Variants in NSF observed in about 807,000 individuals in gnomAD.
NSF encodes the protein vesicle-fusing ATPase.
A neutral mutation model predicts 50.3 loss-of-function variants in NSF; 14 were observed. The ratio of observed to expected loss-of-function variants is 0.28; its 90% CI spans 0.18 to 0.44. The LOEUF (loss-of-function observed/expected upper bound fraction) is 0.44, where lower values mean the gene tolerates loss of function less well. NSF is among the 20% of genes least tolerant of loss of function. The pLI, the probability that NSF is intolerant of heterozygous loss-of-function variation, is 1.00. For synonymous variants in NSF, 109 were observed against 175.7 expected (o/e 0.62, Z 3.00); for missense variants, 218 against 504.3 (o/e 0.43, Z 5.44).
intron 17 of NSF, among the ~76,000 whole-genome samples, chr17:46,734,439 A>G (rs2058980285): frequency 6.6e-6 from 1 of 152,108 alleles, no homozygotes; most frequent in Non-Finnish European, 1.5e-5. Context: ...CTTCTTAGTA[A>G]GTCAGTGACA....
chr17:46,741,765 T>C (rs2059074100), intron 17 of NSF, among the ~76,000 whole-genome samples: 1 of 8,524 alleles, frequency 1.2e-4, no homozygotes, highest in South Asian at 0.021. Flanking sequence ...TACTTGGTTT[T>C]TGTTTTTGTT....
intron 17 of NSF, among the ~76,000 whole-genome samples, chr17:46,748,431 A>G (rs892827817): frequency 2.6e-5 from 4 of 152,168 alleles, no homozygotes; most frequent in Non-Finnish European, 5.9e-5. Context: ...ATTTTTTACA[A>G]CTAGCCAAAC....
intron 4 of NSF, among the ~76,000 whole-genome samples, chr17:46,631,080 A>ACACACACACACACACACACACACG (rs2058132407): frequency 4.9e-5 from 7 of 144,078 alleles, no homozygotes; most frequent in African/African-American, 2.0e-4. Context: ...ACACACACAC[A>ACACACACACACACACACACACACG]CACACACACA....
At chr17:46,711,839 A>G (rs1358863001) in intron 14 of NSF, among the ~76,000 whole-genome samples, 1 of 152,218 alleles carries the variant, frequency 6.6e-6, no homozygotes, top group African/African-American at 2.4e-5. Context: ...TGGCCAGCCA[A>G]AGTCACTGGG....
At chr17:46,717,108 G>T (rs1239248535) in intron 15 of NSF, among the ~76,000 whole-genome samples, 1 of 152,144 alleles carries the variant, frequency 6.6e-6, no homozygotes, top group Non-Finnish European at 1.5e-5. Context: ...CTCAGTGGAT[G>T]AATGGATAAA....
At chr17:46,679,692 CAAA>C (rs140927640) in intron 9 of NSF, among the ~76,000 whole-genome samples, 9 of 101,486 alleles carry the variant, frequency 8.9e-5, no homozygotes, top group African/African-American at 8.3e-5. Flanking sequence ...AACTCCATGT[CAAA>C]AAAAAAAAAA....
Position 46,690,624 on chromosome 17 carries a change from A to AAAAAT in NSF, c.946-2278_946-2277insAAATA, listed in dbSNP as rs1381328687. ...GAGACTCCGTCTCAAAAAAAAAAAA[A>AAAAAT]ATATATATATATATATATTGTATAG... On this transcript the variant is annotated intron_variant, in intron 9 of 20. Transcript: ENST00000398238. Among the ~76,000 whole-genome samples, 808 of 110,730 alleles carry AAAAAT rather than the reference A, an allele frequency of 7.3e-3. 6 individuals carry two copies. Among genetic ancestry groups the AAAAAT allele is most frequent in the Admixed American group, 9.3e-3 (99 of 10,626 alleles). 72.6% of individuals were successfully genotyped at this position (110,730 alleles called of 152,430 possible). A position where few individuals can be genotyped will look rare whatever the true frequency, so the allele number is the denominator to read the frequency against.
chr17:46,601,921 C>T (rs1317397297), intron 1 of NSF, among the ~76,000 whole-genome samples: 2 of 146,882 alleles, frequency 1.4e-5, no homozygotes, highest in African/African-American at 5.3e-5. Context: ...TGGTGGCTCA[C>T]ACCTGTAATC....
chr17:46,728,691 T>G (rs979204490), intron 16 of NSF, among the ~76,000 whole-genome samples, 164 bp from the exon 17 acceptor site: 6 of 151,996 alleles, frequency 3.9e-5, no homozygotes, highest in African/African-American at 1.4e-4. Flanking sequence ...TGACTGTTAT[T>G]TAAGACTGTT....
In NSF at chr17:46,707,131, G is replaced by A. The variant is rs149551885; in HGVS notation, c.1470+2277G>A. On this transcript the variant is annotated intron_variant, in intron 13 of 20. Coordinates refer to ENST00000398238, the MANE Select transcript of NSF (RefSeq NM_006178.4). ...TTTCCAAAGTACTGGGATTACAGGC[G>A]TGAGCCACTGCACCCAGCCTCAGAT... Among the ~76,000 whole-genome samples, 1,236 of 152,248 alleles carry A rather than the reference G, an allele frequency of 8.1e-3. 4 individuals carry two copies. The highest frequency in any genetic ancestry group is 0.012 in the Non-Finnish European group (824 of 68,010).
chr17:46,728,774 A>T, intron 16 of NSF, 81 bp from the exon 17 acceptor site: 1 of 446,142 alleles, frequency 2.2e-6, no homozygotes, highest in Non-Finnish European at 3.3e-6. Flanking sequence ...CTTTTGATGC[A>T]AAAAAAAAAA....
chr17:46,710,123 G>A (rs2146259846), intron 13 of NSF, among the ~76,000 whole-genome samples: 2 of 152,234 alleles, frequency 1.3e-5, no homozygotes, highest in Middle Eastern at 3.4e-3. Flanking sequence ...GGGATGTGAT[G>A]ATCTTTAAAA....
intron 16 of NSF, among the ~76,000 whole-genome samples, chr17:46,727,919 C>T (rs1356340251): frequency 1.3e-5 from 2 of 152,142 alleles, no homozygotes; most frequent in Non-Finnish European, 2.9e-5. Context: ...CAGAAAAAGA[C>T]GCTGCTGCCT....
chr17:46,657,221 GA>G (rs1364087443), intron 8 of NSF, among the ~76,000 whole-genome samples: 1 of 100,726 alleles, frequency 9.9e-6, no homozygotes, highest in Non-Finnish European at 2.2e-5. Context: ...TAGAATTGCT[GA>G]ATCAAAAAGG....
At chr17:46,684,595 C>T (rs1170424029) in intron 9 of NSF, among the ~76,000 whole-genome samples, 2 of 152,058 alleles carry the variant, frequency 1.3e-5, no homozygotes, top group East Asian at 3.9e-4. Flanking sequence ...AGAAATAATG[C>T]CACACATCTA....
At chr17:46,672,251 CT>C (rs1213006152) in intron 8 of NSF, among the ~76,000 whole-genome samples, 91 of 8,376 alleles carry the variant, frequency 0.011, 2 homozygotes, top group African/African-American at 0.033. Context: ...GAGGTGAAGT[CT>C]TTTTTTTTTT....
At chr17:46,726,300 AGT>A (rs1462114390) in intron 15 of NSF, among the ~76,000 whole-genome samples, 8 of 152,258 alleles carry the variant, frequency 5.3e-5, no homozygotes, top group Non-Finnish European at 8.8e-5. Flanking sequence ...GGGATGTGTC[AGT>A]TGATTAATGA....
chr17:46,709,897 C>A (rs1163960042), intron 13 of NSF, among the ~76,000 whole-genome samples: 1 of 152,154 alleles, frequency 6.6e-6, no homozygotes, highest in Non-Finnish European at 1.5e-5. Flanking sequence ...AGAATGAGAA[C>A]CTTCCTCTGT....
At chr17:46,752,602 T>A (rs1016675614) in intron 19 of NSF, among the ~76,000 whole-genome samples, 22 of 152,128 alleles carry the variant, frequency 1.4e-4, no homozygotes, top group African/African-American at 5.1e-4. Flanking sequence ...ACTACCAGCG[T>A]GTGCTACCAC....
Sources: allele counts gnomAD v4.1 joint callset (sites outside exome capture counted in the v4.1 genomes callset), GRCh38; gene constraint gnomAD v4.1.1; transcripts MANE v1.5; gene names NCBI Gene and HGNC (gene_info 2026-07-23, HGNC 2026-07-21).